The following E2F3 variants were observed in gnomAD, a reference collection of about 807,000 sequenced individuals.
E2F3 encodes the protein transcription factor E2F3.
Under a neutral mutation model 44.4 loss-of-function variants are expected in E2F3, and 11 were observed. That is an observed-to-expected ratio of 0.25 (90% CI 0.16 to 0.41). The LOEUF (loss-of-function observed/expected upper bound fraction) is 0.41, where lower values mean the gene tolerates loss of function less well. Ranked by LOEUF, E2F3 falls within the 10% of genes least tolerant of loss-of-function variation. E2F3 has a pLI of 1.00. For missense variants in E2F3, 487 were observed against 583.6 expected (o/e 0.83, Z 1.70); for synonymous variants, 249 against 253.0 (o/e 0.98, Z 0.15).
At chr6:20,425,323 C>T (rs1287793994) in intron 1 of E2F3, among the ~76,000 whole-genome samples, 2 of 151,750 alleles carry the variant, frequency 1.3e-5, no homozygotes, top group South Asian at 2.1e-4. Context: ...ATACACAGCC[C>T]TGGACATTCA....
rs1759340895 is a variant in E2F3 at position 20,402,559 on chromosome 6, A to T, written c.327A>T (p.Arg109Ser). ...CCACGCCGCACGGACCCTCCAGCAG[A>T]GCCGGGCTGCTGCAGCAGCCACCAG... ...LYTTPHGPSS[R>S]AGLLQQPPAL... Residue 109 changes from arginine to serine, a missense_variant, in exon 1 of 7, where the codon AGA becomes AGT. Physicochemically the swap from Arg to Ser is moderately radical, Grantham distance 110. Coordinates refer to ENST00000346618, the MANE Select transcript of E2F3 (RefSeq NM_001949.5). This position sits in a 1 kb window ranked among gnomAD's most constrained non-coding sequence, Gnocchi z 5.6. The T allele has an allele frequency of 6.4e-7, 1 of 1,555,644 alleles. No homozygotes were observed. Among genetic ancestry groups the T allele is most frequent in the Middle Eastern group, 1.9e-4 (1 of 5,378 alleles).
intron 1 of E2F3, among the ~76,000 whole-genome samples, chr6:20,468,350 A>T (rs899603798): frequency 1.3e-5 from 2 of 152,218 alleles, no homozygotes; most frequent in Admixed American, 6.5e-5. Flanking sequence ...TTAATTTGCT[A>T]GAGCAGCTCA....
intron 1 of E2F3, among the ~76,000 whole-genome samples, chr6:20,429,982 C>G (rs903172488): frequency 2.6e-5 from 4 of 151,930 alleles, no homozygotes; most frequent in East Asian, 1.9e-4. Context: ...TAAAATGAAT[C>G]CTCTCTGTTA....
intron 1 of E2F3, among the ~76,000 whole-genome samples, chr6:20,457,449 AGTGGTGGGATTACAG>A (rs1383539767): frequency 6.6e-6 from 1 of 150,660 alleles, no homozygotes; most frequent in Non-Finnish European, 1.5e-5. Context: ...GGCCTCCCAA[AGTGGTGGGATTACAG>A]GTGTCAACCA....
chr6:20,425,482 G>A (rs1348186409), intron 1 of E2F3, among the ~76,000 whole-genome samples: 1 of 151,186 alleles, frequency 6.6e-6, no homozygotes, highest in African/African-American at 2.4e-5. Context: ...TCTGCCTCCT[G>A]GGTTCAACCG....
At chr6:20,444,294 T>C (rs2127597608) in intron 1 of E2F3, among the ~76,000 whole-genome samples, 1 of 152,340 alleles carries the variant, frequency 6.6e-6, no homozygotes, top group South Asian at 2.1e-4. Context: ...CATACCCCTA[T>C]TTATTATATG....
At chr6:20,420,309 T>A (rs756277746) in intron 1 of E2F3, among the ~76,000 whole-genome samples, 2 of 152,224 alleles carry the variant, frequency 1.3e-5, no homozygotes, top group Non-Finnish European at 2.9e-5. Flanking sequence ...AATTTAAGTA[T>A]CTGCCCTAAT....
At chr6:20,413,942 G>C (rs1430050105) in intron 1 of E2F3, among the ~76,000 whole-genome samples, 1 of 152,122 alleles carries the variant, frequency 6.6e-6, no homozygotes, top group African/African-American at 2.4e-5. Context: ...TGGAAGAATG[G>C]GTGAGGCCAA....
chr6:20,446,483 T>G (rs965906022), intron 1 of E2F3, among the ~76,000 whole-genome samples: 1 of 152,234 alleles, frequency 6.6e-6, no homozygotes, highest in Non-Finnish European at 1.5e-5. Flanking sequence ...CACTTAAGGT[T>G]GGAATCATTG....
At chr6:20,482,599 A>ATATATAT (rs1554141459) in intron 3 of E2F3, among the ~76,000 whole-genome samples, 163 bp from the exon 4 acceptor site, 2 of 134,486 alleles carry the variant, frequency 1.5e-5, no homozygotes, top group South Asian at 2.3e-4. Context: ...TGAAAAAAAA[A>ATATATAT]ATATATATAT....
Position 20,402,383 on chromosome 6 carries a change from G to T in E2F3, c.151G>T (p.Ala51Ser). Residue 51 changes from alanine (A) to serine (S), a missense_variant, in exon 1 of 7, where the codon GCC becomes TCC. By Grantham distance (99) the Ala-to-Ser change is moderately conservative. This residue lies in a region of E2F3 where 238 missense variants were observed against 236.0 expected (regional missense o/e 1.01). Coordinates refer to ENST00000346618, the MANE Select transcript of E2F3 (RefSeq NM_001949.5). The surrounding 1 kb of genome is among the most constrained non-coding windows in gnomAD (Gnocchi z 5.6). ...SPGFAAAAAA[A>S]AAPGAYIQIL... ...CGGCTTCGCCGCCGCCGCCGCCGCTGCCGCCGCCCCGGGCGCGTACATCCA... is the reference window on the plus strand; with the variant it reads ...CGGCTTCGCCGCCGCCGCCGCCGCTTCCGCCGCCCCGGGCGCGTACATCCA... The T allele has an allele frequency of 6.2e-7, 1 of 1,609,420 alleles. No homozygotes were observed.
intron 1 of E2F3, among the ~76,000 whole-genome samples, chr6:20,472,025 A>AACACACACACACACACACACAC (rs57925127): frequency 1.4e-5 from 2 of 138,358 alleles, no homozygotes; most frequent in South Asian, 2.4e-4. Flanking sequence ...CCCCCCCTCC[A>AACACACACACACACACACACAC]ACACACACAC....
At chr6:20,469,375 C>G (rs571021979) in intron 1 of E2F3, among the ~76,000 whole-genome samples, 19 of 152,288 alleles carry the variant, frequency 1.2e-4, no homozygotes, top group South Asian at 6.2e-4. Context: ...CTTAGAGATA[C>G]AGAGGTGACC....
intron 1 of E2F3, among the ~76,000 whole-genome samples, chr6:20,441,395 T>A (rs1483005545): frequency 6.6e-5 from 10 of 152,244 alleles, no homozygotes; most frequent in African/African-American, 2.4e-5. Flanking sequence ...ATTTTGTTTA[T>A]CTTTTCATTC....
At position 20,409,222 on chromosome 6, in the gene E2F3, TAAA is replaced by T. The variant is rs557105888; in HGVS notation, c.393+6598_393+6600del. On this transcript the variant is annotated intron_variant, in intron 1 of 6. Transcript: ENST00000346618. ...GTTACCTTTTTTAAAAATGCGCACA[TAAA>T]GAAGTGTCCTTTAAACAGTTGGCTG... Among the ~76,000 whole-genome samples, 9 of 152,292 alleles carry T rather than the reference TAAA, an allele frequency of 5.9e-5. No homozygotes were observed. The East Asian group carries it at 9.6e-4, about 16-fold the overall frequency.
At chr6:20,413,696 T>G (rs1289372256) in intron 1 of E2F3, among the ~76,000 whole-genome samples, 1 of 152,126 alleles carries the variant, frequency 6.6e-6, no homozygotes, top group Non-Finnish European at 1.5e-5. Context: ...GTAGGAAGGC[T>G]TTTCATTCTG....
At chr6:20,407,878 A>C (rs966184356) in intron 1 of E2F3, among the ~76,000 whole-genome samples, 7 of 152,214 alleles carry the variant, frequency 4.6e-5, no homozygotes, top group Non-Finnish European at 1.5e-5. Flanking sequence ...TCAATTGCCT[A>C]TGCTCACCAG....
intron 4 of E2F3, among the ~76,000 whole-genome samples, chr6:20,486,418 G>C (rs547171740): frequency 6.6e-6 from 1 of 152,088 alleles, no homozygotes; most frequent in Non-Finnish European, 1.5e-5. Context: ...GACTACAGGC[G>C]CCCGCCACCA....
chr6:20,422,854 G>A (rs988250496), intron 1 of E2F3, among the ~76,000 whole-genome samples: 1 of 152,148 alleles, frequency 6.6e-6, no homozygotes, highest in East Asian at 1.9e-4. Flanking sequence ...ACTGATCACG[G>A]ATCACCACAA....
Sources: allele counts gnomAD v4.1 joint callset (sites outside exome capture counted in the v4.1 genomes callset), GRCh38; gene constraint gnomAD v4.1.1; regional missense constraint gnomAD v4.1.1; non-coding constraint Gnocchi (gnomAD v3.1); transcripts MANE v1.5; gene names NCBI Gene and HGNC (gene_info 2026-07-23, HGNC 2026-07-21).